Variants in UBE2Q2 observed in about 807,000 individuals in gnomAD.
The protein encoded by UBE2Q2 is ubiquitin conjugating enzyme E2 Q2.
UBE2Q2 carries 54 observed loss-of-function variants against 59.9 expected under a neutral mutation model. The observed-to-expected ratio is 0.90, with a 90% CI of 0.72 to 1.13. The LOEUF (loss-of-function observed/expected upper bound fraction) is 1.13. Among genes scored for constraint, UBE2Q2 ranks in the 50% most tolerant of loss-of-function variants. The pLI is 0.00. For synonymous variants in UBE2Q2, 165 were observed against 155.2 expected (o/e 1.06, Z -0.47); for missense variants, 433 against 441.9 (o/e 0.98, Z 0.18).
intron 1 of UBE2Q2, among the ~76,000 whole-genome samples, chr15:75,846,267 T>C (rs2141524261): frequency 6.6e-6 from 1 of 152,334 alleles, no homozygotes; most frequent in South Asian, 2.1e-4. Flanking sequence ...AGACGGAGTC[T>C]CGCTGTGTCG....
chr15:75,880,759 A>C (rs1330845308), intron 8 of UBE2Q2, among the ~76,000 whole-genome samples: 4 of 152,214 alleles, frequency 2.6e-5, no homozygotes, highest in Admixed American at 2.6e-4. Flanking sequence ...TTGGCCTTCC[A>C]AAGTGCTGGG....
intron 12 of UBE2Q2, among the ~76,000 whole-genome samples, 175 bp downstream of exon 12, chr15:75,897,236 A>G (rs1899480151): frequency 6.6e-6 from 1 of 151,574 alleles, no homozygotes; most frequent in Non-Finnish European, 1.5e-5. Context: ...ATTTTATTTT[A>G]TTTTATTTTA....
intron 3 of UBE2Q2, among the ~76,000 whole-genome samples, chr15:75,867,782 C>G (rs2604406): frequency 0.032 from 4,910 of 152,094 alleles, 257 homozygotes; most frequent in African/African-American, 0.11. Flanking sequence ...ATTGGCATTT[C>G]GAAAATGCTC....
chr15:75,894,613 G>A (rs1899293306), intron 11 of UBE2Q2, among the ~76,000 whole-genome samples: 2 of 151,782 alleles, frequency 1.3e-5, no homozygotes, highest in Admixed American at 1.3e-4. Flanking sequence ...AGCAGAATGG[G>A]GAAATTATTA....
intron 4 of UBE2Q2, among the ~76,000 whole-genome samples, chr15:75,871,927 AAG>A (rs1420627386): frequency 3.9e-5 from 6 of 152,166 alleles, no homozygotes; most frequent in African/African-American, 9.7e-5. Flanking sequence ...TACTCAGAAA[AAG>A]AAATTTCGTG....
chr15:75,859,896 T>C lies in UBE2Q2; in HGVS notation c.301T>C (p.Trp101Arg). Residue 101 changes from tryptophan to arginine, a missense_variant, in exon 3 of 13, where the codon TGG becomes CGG. Trp to Arg is a moderately radical substitution (Grantham distance 101). Coordinates refer to ENST00000267938, the MANE Select transcript of UBE2Q2 (RefSeq NM_173469.4). ...NNNLLRQQLK[W>R]LICELCSLYN... ...TTTGTAGCTTCGTCAGCAATTGAAGTGGTTGATATGTGAACTCTGCAGTTT... is the reference window on the plus strand; with the variant it reads ...TTTGTAGCTTCGTCAGCAATTGAAGCGGTTGATATGTGAACTCTGCAGTTT... 6.3e-7 allele frequency: 1 copy of C among 1,592,488 alleles called. No homozygotes were observed. Among genetic ancestry groups the C allele is most frequent in the Non-Finnish European group, 8.5e-7 (1 of 1,173,964 alleles).
At chr15:75,845,893 A>G (rs1896319490) in intron 1 of UBE2Q2, among the ~76,000 whole-genome samples, 1 of 152,230 alleles carries the variant, frequency 6.6e-6, no homozygotes, top group Non-Finnish European at 1.5e-5. Context: ...CAAGAAGTGA[A>G]TGAGACACTT....
At chr15:75,898,391 TA>T (rs1409880768) in intron 12 of UBE2Q2, among the ~76,000 whole-genome samples, 5 of 152,180 alleles carry the variant, frequency 3.3e-5, no homozygotes, top group East Asian at 1.9e-4. Flanking sequence ...TTTGTTATTT[TA>T]AAAAAATAGA....
chr15:75,868,238 G>A (rs1403229649), intron 3 of UBE2Q2, among the ~76,000 whole-genome samples: 1 of 152,170 alleles, frequency 6.6e-6, no homozygotes, highest in African/African-American at 2.4e-5. Flanking sequence ...GGTTAAAGAT[G>A]CATGTATAAA....
At position 75,880,415 on chromosome 15, in the gene UBE2Q2, A is replaced by G. The variant is rs184160826; in HGVS notation, c.825+1227A>G. Among the ~76,000 whole-genome samples, 245 of 151,978 alleles carry G rather than the reference A, an allele frequency of 1.6e-3. 3 individuals carry two copies. Among genetic ancestry groups the G allele is most frequent in the Non-Finnish European group, 1.7e-3 (118 of 67,952 alleles). On this transcript the variant is annotated intron_variant, in intron 8 of 12. Coordinates refer to ENST00000267938, the MANE Select transcript of UBE2Q2 (RefSeq NM_173469.4). ...GGTGTGAGCCACCACACCTGGCCTA[A>G]TAAGTATTTTAAAGATGCTAAAAAT... is the stretch of plus-strand genomic sequence containing the variant.
intron 3 of UBE2Q2, among the ~76,000 whole-genome samples, chr15:75,864,311 G>A (rs1897344013): frequency 6.6e-6 from 1 of 151,732 alleles, no homozygotes; most frequent in Non-Finnish European, 1.5e-5. Context: ...GGAGATTTTT[G>A]CCTCCCGTGG....
chr15:75,892,636 G>T (rs1180258602), intron 11 of UBE2Q2, among the ~76,000 whole-genome samples: 1 of 152,128 alleles, frequency 6.6e-6, no homozygotes, highest in African/African-American at 2.4e-5. Context: ...GAGGCAGGAG[G>T]ATGGCTTGAG....
intron 9 of UBE2Q2, among the ~76,000 whole-genome samples, chr15:75,884,463 A>G (rs541878295): frequency 9.4e-4 from 143 of 152,180 alleles, no homozygotes; most frequent in Non-Finnish European, 1.8e-3. Flanking sequence ...CCTGTTAAGA[A>G]TCATTTCTGT....
chr15:75,844,307 T>C, intron 1 of UBE2Q2: 2 of 1,547,966 alleles, frequency 1.3e-6, no homozygotes, highest in East Asian at 2.4e-5. Context: ...TTCTTCCCGC[T>C]TGTTCAGCCA....
chr15:75,869,958 AT>A (rs1043147340), intron 4 of UBE2Q2, among the ~76,000 whole-genome samples: 4 of 151,466 alleles, frequency 2.6e-5, no homozygotes, highest in East Asian at 3.9e-4. Flanking sequence ...TTAAAAAAAA[AT>A]TTTTTTTTCT....
chr15:75,866,019 C>G (rs929324573), intron 3 of UBE2Q2, among the ~76,000 whole-genome samples: 8 of 152,002 alleles, frequency 5.3e-5, no homozygotes, highest in Admixed American at 5.2e-4. Flanking sequence ...GAGTCTATTC[C>G]CAGTTCTTTA....
intron 12 of UBE2Q2, among the ~76,000 whole-genome samples, chr15:75,899,226 G>T (rs187978571): frequency 0.011 from 1,588 of 150,918 alleles, 55 homozygotes; most frequent in East Asian, 0.066. Context: ...AGTGAGCTGA[G>T]TTTGCGCCAT....
chr15:75,877,632 TAGA>T (rs113500876), intron 6 of UBE2Q2, among the ~76,000 whole-genome samples: 2 of 152,314 alleles, frequency 1.3e-5, no homozygotes, highest in African/African-American at 4.8e-5. Context: ...ACAACATACG[TAGA>T]AGGATTCCAT....
In UBE2Q2 at chr15:75,896,402, C is replaced by T. The variant is rs555333303; in HGVS notation, c.1030-593C>T. ...GGAGAGTGCTCCTGGTATATTAATT[C>T]GAAGCGAAGATATAGGTTGGTTGTA... On this transcript the variant is annotated intron_variant, in intron 11 of 12. Transcript: ENST00000267938. Among the ~76,000 whole-genome samples the T allele has an allele frequency of 1.8e-4, 27 of 152,128 alleles. No individual in the cohort carries two copies. In the South Asian group the frequency reaches 5.6e-3, roughly 32 times the overall value.
Sources: gnomAD v4.1 joint callset for allele counts (sites outside exome capture counted in the v4.1 genomes callset) on GRCh38, gnomAD v4.1.1 for gene constraint, MANE v1.5 for transcripts, NCBI Gene and HGNC (gene_info 2026-07-23, HGNC 2026-07-21) for gene names.